CENPW: variants seen among roughly 807,000 people sequenced by gnomAD.
CENPW encodes centromere protein W.
Under a neutral mutation model 11.1 loss-of-function variants are expected in CENPW, and 3 were observed. The observed-to-expected ratio is 0.27, with a 90% confidence interval of 0.12 to 0.70. The LOEUF (loss-of-function observed/expected upper bound fraction) is 0.70. Ranked by LOEUF, CENPW falls within the 30% of genes least tolerant of loss-of-function variation. The pLI is 0.77. For synonymous variants in CENPW, 38 were observed against 42.0 expected, an observed-to-expected ratio of 0.91 and a Z score of 0.37; for missense variants, 100 against 105.6, an observed-to-expected ratio of 0.95 and a Z score of 0.23.
the CENPW span, among the ~76,000 whole-genome samples, chr6:126,403,699 A>T: frequency 6.6e-6 from 1 of 152,136 alleles, no homozygotes; most frequent in Admixed American, 6.6e-5. Flanking sequence ...AAAGTACAAG[A>T]TGAAACAGTA....
the CENPW span, among the ~76,000 whole-genome samples, chr6:126,363,763 A>G: frequency 1.3e-5 from 2 of 152,126 alleles, no homozygotes; most frequent in Admixed American, 6.5e-5. Flanking sequence ...TCTCCTATCA[A>G]CCTTATCTCT....
At chr6:126,345,921 G>C (rs1157931951) in intron 1 of CENPW, among the ~76,000 whole-genome samples, 1 of 152,008 alleles carries the variant, frequency 6.6e-6, no homozygotes, top group Non-Finnish European at 1.5e-5. Context: ...GTTACTAAGC[G>C]AATCTTACAT....
At chr6:126,424,684 G>C in the CENPW span, among the ~76,000 whole-genome samples, 1 of 152,198 alleles carries the variant, frequency 6.6e-6, no homozygotes, top group East Asian at 1.9e-4. Context: ...GGAGGCAGCT[G>C]TTTTTCTGTT....
At chr6:126,377,552 G>T in the CENPW span, among the ~76,000 whole-genome samples, 3 of 152,304 alleles carry the variant, frequency 2.0e-5, no homozygotes, top group South Asian at 6.2e-4. Flanking sequence ...ATTGCAGAAG[G>T]TGATAGTTAA....
the CENPW span, among the ~76,000 whole-genome samples, chr6:126,449,822 T>C: frequency 6.6e-6 from 1 of 151,102 alleles, no homozygotes; most frequent in African/African-American, 2.4e-5. Context: ...AAAATAATTA[T>C]GCCAACTAAT....
the CENPW span, among the ~76,000 whole-genome samples, chr6:126,405,645 C>CT: frequency 6.6e-6 from 1 of 151,768 alleles, no homozygotes; most frequent in African/African-American, 2.4e-5. Flanking sequence ...CATTGGCTGT[C>CT]TTTTCATTTA....
At chr6:126,411,546 A>G in the CENPW span, among the ~76,000 whole-genome samples, 1 of 151,912 alleles carries the variant, frequency 6.6e-6, no homozygotes, top group African/African-American at 2.4e-5. Flanking sequence ...GTGCAAGTTC[A>G]CTCTCTGTAT....
At chr6:126,459,193 AT>A in the CENPW span, among the ~76,000 whole-genome samples, 2 of 151,422 alleles carry the variant, frequency 1.3e-5, no homozygotes, top group Non-Finnish European at 3.0e-5. Flanking sequence ...GTGACCTGCT[AT>A]TCTCCATTCC....
the CENPW span, among the ~76,000 whole-genome samples, chr6:126,393,849 A>C: frequency 6.6e-6 from 1 of 151,232 alleles, no homozygotes; most frequent in Non-Finnish European, 1.5e-5. Context: ...GCTATATCCT[A>C]TTGCTATATT....
the CENPW span, among the ~76,000 whole-genome samples, chr6:126,398,830 T>C: frequency 1.3e-5 from 2 of 151,252 alleles, no homozygotes; most frequent in East Asian, 3.9e-4. Context: ...TAACATCTAG[T>C]ATCCCCCAAT....
chr6:126,394,168 G>A, the CENPW span, among the ~76,000 whole-genome samples: 1,509 of 151,528 alleles, frequency 1.0e-2, 20 homozygotes, highest in African/African-American at 0.035. Flanking sequence ...TGAGCATTTC[G>A]TTATTTGCTC....
the CENPW span, among the ~76,000 whole-genome samples, chr6:126,459,249 T>G: frequency 6.6e-6 from 1 of 151,426 alleles, no homozygotes; most frequent in Admixed American, 6.6e-5. Flanking sequence ...AGAGTCTATA[T>G]TTTAGACAAT....
chr6:126,365,490 C>T, the CENPW span, among the ~76,000 whole-genome samples: 2 of 152,126 alleles, frequency 1.3e-5, no homozygotes, highest in African/African-American at 2.4e-5. Context: ...AGACACTACA[C>T]ACTTTCAAAC....
the CENPW span, among the ~76,000 whole-genome samples, chr6:126,448,133 C>T: frequency 1.3e-5 from 2 of 151,132 alleles, no homozygotes; most frequent in African/African-American, 2.4e-5. Context: ...CAGGTGTCAT[C>T]CTTAGACAGG....
the CENPW span, among the ~76,000 whole-genome samples, chr6:126,477,592 T>C: frequency 6.6e-6 from 1 of 151,924 alleles, no homozygotes; most frequent in Non-Finnish European, 1.5e-5. Flanking sequence ...CTCAAAGAGC[T>C]CAAATGACTT....
At chr6:126,479,902 GA>G in the CENPW span, among the ~76,000 whole-genome samples, 4 of 151,668 alleles carry the variant, frequency 2.6e-5, no homozygotes, top group Non-Finnish European at 4.4e-5. Context: ...TAAGATTCTG[GA>G]AACATTTTCC....
At chr6:126,481,985 A>C in the CENPW span, among the ~76,000 whole-genome samples, 9 of 152,186 alleles carry the variant, frequency 5.9e-5, no homozygotes, top group East Asian at 1.7e-3. Context: ...TTACTTTGTG[A>C]AGTTCATTTT....
chr6:126,478,383 A>C, the CENPW span, among the ~76,000 whole-genome samples: 1 of 148,710 alleles, frequency 6.7e-6, no homozygotes, highest in Non-Finnish European at 1.5e-5. Flanking sequence ...ATCTGTCACC[A>C]CTCCCTCCAA....
chr6:126,409,352 A>G, the CENPW span, among the ~76,000 whole-genome samples: 2 of 152,190 alleles, frequency 1.3e-5, no homozygotes, highest in Non-Finnish European at 2.9e-5. Context: ...CATGTGATTT[A>G]TTCTGGAGAA....
Sources: allele counts gnomAD v4.1 joint callset (sites outside exome capture counted in the v4.1 genomes callset), GRCh38; gene constraint gnomAD v4.1.1; transcripts MANE v1.5; gene names NCBI Gene and HGNC (gene_info 2026-07-23, HGNC 2026-07-21).